GNAZ: variants seen among roughly 807,000 people sequenced by gnomAD.
GNAZ encodes the protein guanine nucleotide-binding protein G(z) subunit alpha.
A neutral mutation model predicts 25.4 loss-of-function variants in GNAZ; 3 were observed. That is an observed-to-expected ratio of 0.12 (90% CI 0.05 to 0.30). The LOEUF is 0.30. Among genes scored for constraint, GNAZ ranks in the 10% least tolerant of loss-of-function variants. The pLI is 1.00. For synonymous variants in GNAZ, 211 were observed against 205.7 expected, an observed-to-expected ratio of 1.03 and a Z score of -0.22; for missense variants, 241 against 501.8, an observed-to-expected ratio of 0.48 and a Z score of 4.97.
chr22:23,113,179 C>T (rs2267000), intron 2 of GNAZ, among the ~76,000 whole-genome samples: 73,994 of 152,082 alleles, frequency 0.49, 18,286 homozygotes, highest in East Asian at 0.61. Context: ...GGGAAGACAG[C>T]TGAGTGTTCT....
intron 1 of GNAZ, among the ~76,000 whole-genome samples, chr22:23,091,304 A>G (rs1337235840): frequency 6.6e-6 from 1 of 152,236 alleles, no homozygotes; most frequent in African/African-American, 2.4e-5. Context: ...ACAGGGACCT[A>G]TGCATACACG....
intron 2 of GNAZ, among the ~76,000 whole-genome samples, chr22:23,097,569 C>T (rs5996464): frequency 0.1 from 15,241 of 152,300 alleles, 2,456 homozygotes; most frequent in African/African-American, 0.34. Context: ...AAACGAATGA[C>T]GGACGGGCAG....
At chr22:23,122,942 G>T in intron 2 of GNAZ, 145 bp from the exon 3 acceptor site, 1 of 615,798 alleles carries the variant, frequency 1.6e-6, no homozygotes, top group Non-Finnish European at 2.9e-6. Flanking sequence ...TTTAACCTGG[G>T]CTTCCCCAGC....
intron 2 of GNAZ, among the ~76,000 whole-genome samples, chr22:23,114,448 C>T (rs2069759394): frequency 6.6e-6 from 1 of 152,196 alleles, no homozygotes; most frequent in Non-Finnish European, 1.5e-5. Flanking sequence ...CTCTGCCAGC[C>T]CCTCCTGCAA....
At chr22:23,075,226 G>A (rs1348051591) in intron 1 of GNAZ, among the ~76,000 whole-genome samples, 2 of 152,162 alleles carry the variant, frequency 1.3e-5, no homozygotes, top group South Asian at 2.1e-4. Context: ...CTGAGTGGGC[G>A]GGTGGGTTGC....
chr22:23,096,461 G>C (rs190421220), intron 2 of GNAZ, 43 bp downstream of exon 2: 1 of 1,557,196 alleles, frequency 6.4e-7, no homozygotes, highest in Non-Finnish European at 8.7e-7. Context: ...TCCTGCTGTC[G>C]TGGGTTCCTG....
intron 2 of GNAZ, among the ~76,000 whole-genome samples, chr22:23,103,506 G>A (rs147560243): frequency 5.3e-5 from 8 of 152,210 alleles, no homozygotes; most frequent in East Asian, 1.9e-4. Context: ...CTGTGGCCGC[G>A]TGGGTTGCAT....
Position 23,084,343 on chromosome 22 carries a change from C to T in GNAZ, c.-449-10904C>T, listed in dbSNP as rs546411105. Among the ~76,000 whole-genome samples, 5 of 152,300 alleles carry T rather than the reference C, an allele frequency of 3.3e-5. No individual in the cohort carries two copies. The South Asian group carries it at 8.3e-4, about 25-fold the overall frequency. The stretch of plus-strand genomic sequence containing the variant: ...GGTATTCAGTAAATTCCACAAGATA[C>T]GGGTTAGATTCTTTTGTCTACCTGC... On this transcript the variant is annotated intron_variant, in intron 1 of 2. Coordinates refer to ENST00000615612, the MANE Select transcript of GNAZ (RefSeq NM_002073.4).
chr22:23,122,912 G>T (rs1019901079), intron 2 of GNAZ, among the ~76,000 whole-genome samples, 175 bp from the exon 3 acceptor site: 2 of 152,230 alleles, frequency 1.3e-5, no homozygotes, highest in Admixed American at 6.5e-5. Flanking sequence ...GGCTATTTCC[G>T]TGGGAGGTGG....
At chr22:23,077,534 C>G (rs370467425) in intron 1 of GNAZ, among the ~76,000 whole-genome samples, 21 of 152,246 alleles carry the variant, frequency 1.4e-4, no homozygotes, top group African/African-American at 4.8e-4. Context: ...AATTGGGAGG[C>G]TGGATGGCCA....
chr22:23,104,927 A>C (rs2069417869), intron 2 of GNAZ, among the ~76,000 whole-genome samples: 1 of 152,222 alleles, frequency 6.6e-6, no homozygotes, highest in Admixed American at 6.5e-5. Context: ...AGTGTTGGCC[A>C]GGGCAGAGTG....
chr22:23,085,867 G>T (rs1445342014), intron 1 of GNAZ, among the ~76,000 whole-genome samples: 1 of 152,216 alleles, frequency 6.6e-6, no homozygotes, highest in African/African-American at 2.4e-5. Flanking sequence ...CCAGAGGAAG[G>T]TAATCCTTTT....
At chr22:23,099,859 G>A (rs1029406911) in intron 2 of GNAZ, among the ~76,000 whole-genome samples, 2 of 152,368 alleles carry the variant, frequency 1.3e-5, no homozygotes, top group South Asian at 2.1e-4. Flanking sequence ...GTCTTCACTC[G>A]GCCCCACTGG....
At chr22:23,077,051 A>C (rs781193303) in intron 1 of GNAZ, among the ~76,000 whole-genome samples, 2 of 152,204 alleles carry the variant, frequency 1.3e-5, no homozygotes, top group Non-Finnish European at 2.9e-5. Context: ...AGAGGATTCT[A>C]AGGCTGTGCT....
chr22:23,082,028 G>A (rs560171472), intron 1 of GNAZ, among the ~76,000 whole-genome samples: 2 of 150,752 alleles, frequency 1.3e-5, no homozygotes, highest in African/African-American at 4.9e-5. Context: ...GGGAGGCTGA[G>A]GCAGGAGAAT....
chr22:23,080,284 G>A (rs1293955636), intron 1 of GNAZ, among the ~76,000 whole-genome samples: 2 of 152,204 alleles, frequency 1.3e-5, no homozygotes, highest in African/African-American at 4.8e-5. Context: ...GTGGCTGTGG[G>A]CCAAAAGACA....
intron 1 of GNAZ, among the ~76,000 whole-genome samples, chr22:23,092,674 C>T (rs1186555620): frequency 2.0e-5 from 3 of 152,218 alleles, no homozygotes; most frequent in Non-Finnish European, 4.4e-5. Context: ...TTCCAGACAA[C>T]AGCAGTTCAG....
rs2069106385 is a variant in GNAZ, at chr22:23,095,799, A to T, written c.104A>T (p.Lys35Met). 1 of 1,613,318 alleles carries T rather than the reference A, an allele frequency of 6.2e-7. No individual in the cohort carries two copies. The highest frequency in any genetic ancestry group is 1.3e-5 in the African/African-American group (1 of 74,954). The change falls in exon 2 of 3, where the codon AAG becomes ATG. Residue 35 changes from lysine to methionine, a missense_variant. Lys to Met is a moderately conservative substitution (Grantham distance 95). Transcript: ENST00000615612. ...SESQRQRREI[K>M]LLLLGTSNSG... ...AGCCAGCGGCAACGCCGCGAAATCA[A>T]GCTGCTCCTGCTGGGCACCAGCAAC... is the stretch of plus-strand genomic sequence containing the variant.
Position 23,095,671 on chromosome 22 carries a change from T to C in GNAZ, c.-25T>C. 1 of 1,582,038 alleles carries C rather than the reference T, an allele frequency of 6.3e-7. No individual in the cohort carries two copies. Among genetic ancestry groups the C allele is most frequent in the South Asian group, 1.2e-5 (1 of 85,670 alleles). ...GAGAGGTGCCCCATCCCGTGCTCCT[T>C]GTCTGGGCCCGCTGCTGCCAGACCA... On this transcript the variant is annotated 5_prime_UTR_variant, in exon 2 of 3. Transcript: ENST00000615612.
Sources: gnomAD v4.1 joint callset for allele counts (sites outside exome capture counted in the v4.1 genomes callset) on GRCh38, gnomAD v4.1.1 for gene constraint, MANE v1.5 for transcripts, NCBI Gene and HGNC (gene_info 2026-07-23, HGNC 2026-07-21) for gene names.